Variants in RMDN2 observed in about 807,000 individuals in gnomAD.
RMDN2 encodes regulator of microtubule dynamics protein 2.
A neutral mutation model predicts 52.8 loss-of-function variants in RMDN2; 61 were observed. That is an observed-to-expected ratio of 1.16 (90% CI 0.94 to 1.43). RMDN2 has a LOEUF of 1.43. Ranked by LOEUF, RMDN2 falls within the 40% of genes most tolerant of loss-of-function variation. RMDN2 has a pLI of 0.00. For synonymous variants in RMDN2, 180 were observed against 153.1 expected (o/e 1.18, Z -1.30); for missense variants, 592 against 475.3 (o/e 1.25, Z -2.28).
intron 10 of RMDN2, among the ~76,000 whole-genome samples, chr2:38,059,876 C>T (rs902555162): frequency 1.3e-5 from 2 of 151,760 alleles, no homozygotes; most frequent in Non-Finnish European, 2.9e-5. Flanking sequence ...TTTTTGTTGT[C>T]GTTGGTTTTT....
At chr2:38,034,178 C>T (rs541723058) in intron 10 of RMDN2, among the ~76,000 whole-genome samples, 1 of 152,204 alleles carries the variant, frequency 6.6e-6, no homozygotes, top group Admixed American at 6.5e-5. Context: ...CACCCTTTGA[C>T]TGCTCTGCCT....
chr2:38,060,852 C>A (rs563414441), intron 10 of RMDN2, among the ~76,000 whole-genome samples: 1 of 152,254 alleles, frequency 6.6e-6, no homozygotes, highest in South Asian at 2.1e-4. Flanking sequence ...ATGGGAGATC[C>A]CCCCAAACAG....
In RMDN2 at chr2:37,991,245, T is replaced by G. The variant is rs1674750975; in HGVS notation, c.893T>G (p.Leu298Arg). The change falls in exon 7 of 11, where the codon CTT (leucine) becomes CGT (arginine). Residue 298 changes from leucine (L) to arginine (R), a missense_variant. Leu to Arg is a moderately radical substitution (Grantham distance 102). Transcript: ENST00000354545. ...GAACATCTAGATATAGCAATCAAAC[T>G]TTTACCAGAGGAACCCTTTCTATAT... ...FKEHLDIAIK[L>R]LPEEPFLYYL... 5.0e-6 allele frequency: 8 copies of G among 1,589,922 alleles called. No individual in the cohort carries two copies. The highest frequency in any genetic ancestry group is 6.9e-6 in the Non-Finnish European group (8 of 1,166,740).
At position 37,929,412 on chromosome 2, in the gene RMDN2, G is replaced by A. The variant is rs1242055343; in HGVS notation, c.135G>A (p.Leu45=). ...TGAAGTTACCTGAATTTCTTTCTCT[G>A]GGTAATACATTTAATTCAATAACTT... ...IAMKLPEFLS[L]GNTFNSITLQ... is the part of the protein sequence containing the mutation. Residue 45 remains leucine, a synonymous_variant, in exon 2 of 11, where the codon CTG becomes CTA. Coordinates refer to ENST00000354545, the MANE Select transcript of RMDN2 (RefSeq NM_001170791.3). 1.9e-6 allele frequency: 3 copies of A among 1,551,392 alleles called. No individual in the cohort carries two copies. Among genetic ancestry groups the A allele is most frequent in the Non-Finnish European group, 2.6e-6 (3 of 1,146,732 alleles).
rs554850256 is a variant in RMDN2, at chr2:38,004,191, T to C, written c.1154T>C (p.Leu385Ser). ...QNALKFCNLALLLPTVTKEDK... is the reference protein window; with the variant it reads ...QNALKFCNLASLLPTVTKEDK... ...GCTTTGAAGTTCTGTAATTTGGCTT[T>C]ATTGCTTCCTACTGTTACCAAAGAG... is the stretch of plus-strand genomic sequence containing the variant. The change falls in exon 10 of 11, where the codon TTA becomes TCA. Residue 385 changes from leucine (L) to serine (S), a missense_variant. Leu to Ser is a moderately radical substitution (Grantham distance 145). Transcript: ENST00000354545. The C allele has an allele frequency of 5.6e-6, 9 of 1,613,616 alleles. No homozygotes were observed. The Admixed American group carries it at 8.3e-5, about 15-fold the overall frequency.
chr2:38,011,986 G>A (rs774472682), intron 10 of RMDN2, among the ~76,000 whole-genome samples: 22 of 152,126 alleles, frequency 1.4e-4, no homozygotes, highest in Admixed American at 4.6e-4. Flanking sequence ...ACGTCAACAT[G>A]TCACTTCCCT....
At chr2:37,921,194 C>A (rs572872016), upstream of RMDN2, among the ~76,000 whole-genome samples, 1 of 152,082 alleles carries the variant, frequency 6.6e-6, no homozygotes, top group Non-Finnish European at 1.5e-5. Flanking sequence ...ATTAGGCCAA[C>A]CATTTTATTG....
chr2:37,931,092 C>T (rs1187562473), intron 2 of RMDN2, among the ~76,000 whole-genome samples: 2 of 144,938 alleles, frequency 1.4e-5, no homozygotes, highest in African/African-American at 2.6e-5. Context: ...TATTTTCCTT[C>T]CCTATTTTAA....
intron 2 of RMDN2, chr2:37,952,244 A>G (rs771863421): frequency 1.4e-5 from 22 of 1,593,644 alleles, no homozygotes; most frequent in Non-Finnish European, 1.9e-5. Flanking sequence ...CACCTCAAAT[A>G]GTTTTCCCAC....
rs754653793 is a variant in RMDN2, at chr2:37,997,415, G to T, written c.946-1G>T. On this transcript the variant is annotated splice_acceptor_variant, in intron 7 of 10. Coordinates refer to ENST00000354545, the MANE Select transcript of RMDN2 (RefSeq NM_001170791.3). LOFTEE classifies it high-confidence loss of function. ...AGAGTGATGTTGTTGTGTATTTGCA[G>T]GTCTCAAAACTGAGCTGGATTGAGA... 6.2e-7 allele frequency: 1 copy of T among 1,601,794 alleles called. No homozygotes were observed. Among genetic ancestry groups the T allele is most frequent in the South Asian group, 1.1e-5 (1 of 90,830 alleles).
chr2:38,014,353 A>G (rs1007917037), intron 10 of RMDN2, among the ~76,000 whole-genome samples: 2 of 152,182 alleles, frequency 1.3e-5, no homozygotes, highest in Admixed American at 1.3e-4. Flanking sequence ...CCTTCTTGTC[A>G]TTTGCATTTA....
At chr2:38,039,049 C>CAT (rs1680780868) in intron 10 of RMDN2, among the ~76,000 whole-genome samples, 1 of 47,012 alleles carries the variant, frequency 2.1e-5, no homozygotes, top group Non-Finnish European at 3.3e-5. Context: ...AGATGCTATA[C>CAT]ACACACACAC....
chr2:38,065,394 G>T (rs1573264161), intron 10 of RMDN2, among the ~76,000 whole-genome samples: 1 of 151,436 alleles, frequency 6.6e-6, no homozygotes, highest in Non-Finnish European at 1.5e-5. Flanking sequence ...AAAAGAAAAA[G>T]AAAGAGGCTG....
intron 8 of RMDN2, among the ~76,000 whole-genome samples, chr2:37,998,974 A>T (rs913181464): frequency 6.6e-6 from 1 of 152,242 alleles, no homozygotes; most frequent in Admixed American, 6.5e-5. Flanking sequence ...AATGTAGATT[A>T]TGATCTATTT....
At chr2:38,053,019 C>G (rs1681690319) in intron 10 of RMDN2, among the ~76,000 whole-genome samples, 1 of 152,162 alleles carries the variant, frequency 6.6e-6, no homozygotes, top group Non-Finnish European at 1.5e-5. Flanking sequence ...TGTCAAGGCT[C>G]TGTTATAGTT....
chr2:37,969,586 A>G (rs1438624423), intron 2 of RMDN2, among the ~76,000 whole-genome samples: 2 of 151,924 alleles, frequency 1.3e-5, no homozygotes, highest in Admixed American at 6.6e-5. Context: ...ACTTATATGT[A>G]AATTTTGTTA....
chr2:38,050,233 C>A (rs4670811), intron 10 of RMDN2, among the ~76,000 whole-genome samples: 59,794 of 151,412 alleles, frequency 0.39, 14,712 homozygotes, highest in East Asian at 0.78. Context: ...TCCTCTCATG[C>A]CTCCTCAGGG....
intron 10 of RMDN2, among the ~76,000 whole-genome samples, chr2:38,010,781 A>G (rs1677870164): frequency 6.6e-6 from 1 of 152,136 alleles, no homozygotes; most frequent in African/African-American, 2.4e-5. Flanking sequence ...AAATGCAGAA[A>G]TCACCCATCT....
In RMDN2 at chr2:37,999,939, G is replaced by C. The variant is rs148104264; in HGVS notation, c.1044+2425G>C. Among the ~76,000 whole-genome samples, 1,052 of 152,184 alleles carry C rather than the reference G, an allele frequency of 6.9e-3. 6 individuals are homozygous for C. Among genetic ancestry groups the C allele is most frequent in the African/African-American group, 0.024 (996 of 41,498 alleles). ...TCTCCCACTCTCAAATTCTTCATCC[G>C]TGAAATGGCCATAATAATACCTACT... On this transcript the variant is annotated intron_variant, in intron 8 of 10. Transcript: ENST00000354545.
Sources: allele counts gnomAD v4.1 joint callset (sites outside exome capture counted in the v4.1 genomes callset), GRCh38; gene constraint gnomAD v4.1.1; transcripts MANE v1.5; gene names NCBI Gene and HGNC (gene_info 2026-07-23, HGNC 2026-07-21).